ELP2: variants seen among roughly 807,000 people sequenced by gnomAD.
The protein encoded by ELP2 is elongator complex protein 2.
Under a neutral mutation model 119.2 loss-of-function variants are expected in ELP2, and 90 were observed. The ratio of observed to expected loss-of-function variants is 0.75; its 90% CI spans 0.64 to 0.90. The LOEUF is 0.90. ELP2 is among the 40% of genes least tolerant of loss of function. The pLI is 0.00. For missense variants in ELP2, 921 were observed against 967.8 expected (o/e 0.95, Z 0.64); for synonymous variants, 339 against 331.0 (o/e 1.02, Z -0.26).
intron 5 of ELP2, among the ~76,000 whole-genome samples, chr18:36,140,109 G>T (rs1452379080): frequency 2.6e-5 from 4 of 151,888 alleles, no homozygotes; most frequent in Admixed American, 6.6e-5. Flanking sequence ...CTCCCAAAGT[G>T]CTGGGATCAC....
At position 36,154,870 on chromosome 18, in the gene ELP2, T is replaced by A. The variant is rs2090512535; in HGVS notation, c.1146T>A (p.Ile382=). 1.1e-5 allele frequency: 17 copies of A among 1,614,148 alleles called. No individual in the cohort carries two copies. Among genetic ancestry groups the A allele is most frequent in the Non-Finnish European group, 1.4e-5 (17 of 1,179,986 alleles). Reference sequence around the variant, plus strand: ...TGCAGAGAGAGTGGACTCCAGAGATTGTCATTTCAGGACACTTTGATGGTG... The same window carrying A: ...TGCAGAGAGAGTGGACTCCAGAGATAGTCATTTCAGGACACTTTGATGGTG... ...TVNPREWTPE[I]VISGHFDGVQ... Residue 382 remains isoleucine, a synonymous_variant, in exon 12 of 22, where the codon ATT becomes ATA. Coordinates refer to ENST00000358232, the MANE Select transcript of ELP2 (RefSeq NM_018255.4).
intron 1 of ELP2, among the ~76,000 whole-genome samples, chr18:36,131,892 A>G (rs1050140154): frequency 6.6e-6 from 1 of 151,004 alleles, no homozygotes; most frequent in African/African-American, 2.4e-5. Context: ...TGTTGAGCCT[A>G]AAAAGTACTT....
chr18:36,139,634 ATTG>A lies in ELP2; in HGVS notation c.523+765_523+767del, dbSNP rs370802040. Reference sequence around the variant, plus strand: ...GCCAAGTGACTGGAGTTTTGTTTTTATTGTTTTTATTTTTCTTTTTTCTGTAGT... The same window carrying A: ...GCCAAGTGACTGGAGTTTTGTTTTTATTTTTATTTTTCTTTTTTCTGTAGT... On this transcript the variant is annotated intron_variant, in intron 5 of 21. Transcript: ENST00000358232. The A allele has an allele frequency of 5.6e-4, 846 of 1,499,584 alleles. 6 individuals are homozygous for A. In the African/African-American group the frequency reaches 0.011, roughly 19 times the overall value. 92.9% of individuals were successfully genotyped at this position (1,499,584 alleles called of 1,614,324 possible). A position where few individuals can be genotyped will look rare whatever the true frequency, so the allele number is the denominator to read the frequency against.
In ELP2 at chr18:36,176,215, A is replaced by C. The variant is rs549908613; in HGVS notation, c.*1574A>C. ...AGTGCTTCATAGCCACATGTGGCTC[A>C]TGGCCATCCATATTTGGACAATGTA... On this transcript the variant is annotated 3_prime_UTR_variant, in exon 22 of 22. Transcript: ENST00000358232. 1.6e-4 allele frequency: 25 copies of C among 152,290 alleles called. No homozygotes were observed. The highest frequency in any genetic ancestry group is 6.0e-4 in the African/African-American group (25 of 41,534). The allele number at this position is 152,290 out of a possible 1,614,324, so 9.4% of individuals were successfully genotyped here. A position where few individuals can be genotyped will look rare whatever the true frequency, so the allele number is the denominator to read the frequency against.
At chr18:36,164,833 T>A in intron 18 of ELP2, 166 bp downstream of exon 18, 1 of 670,052 alleles carries the variant, frequency 1.5e-6, no homozygotes, top group Non-Finnish European at 2.6e-6. Context: ...TGACCTTCCT[T>A]GTAAGATTTA....
intron 21 of ELP2, among the ~76,000 whole-genome samples, chr18:36,173,027 A>G (rs149046871): frequency 1.9e-4 from 29 of 152,354 alleles, no homozygotes; most frequent in Admixed American, 1.2e-3. Flanking sequence ...CAAACTCCCT[A>G]TCTTCTTAAA....
Position 36,171,036 on chromosome 18 carries a change from C to T in ELP2, c.2211-11C>T, listed in dbSNP as rs1176679544. 7 of 1,583,700 alleles carry T rather than the reference C, an allele frequency of 4.4e-6. No homozygotes were observed. In the African/African-American group the frequency reaches 8.1e-5, roughly 18 times the overall value. On this transcript the variant is annotated splice_polypyrimidine_tract_variant and intron_variant, in intron 20 of 21. Transcript: ENST00000358232. The stretch of plus-strand genomic sequence containing the variant: ...AAGTTAATCACTGTTGTCCCCCTCC[C>T]TTAAAAACAGATACGTGGTTGCAGT...
chr18:36,138,047 C>G (rs1168438733), intron 3 of ELP2: 1 of 511,904 alleles, frequency 2.0e-6, no homozygotes, highest in Non-Finnish European at 3.5e-6. Context: ...TTCAGAATAC[C>G]TATTGTCTCC....
Position 36,171,051 on chromosome 18 carries a change from G to T in ELP2, c.2215G>T (p.Val739Leu), listed in dbSNP as rs767094081. ...CPVLHPSQRY[V>L]VAVGLECGKI... ...GTCCCCCTCCCTTAAAAACAGATAC[G>T]TGGTTGCAGTAGGATTGGAGTGTGG... The change falls in exon 21 of 22, where the codon GTG becomes TTG. Residue 739 changes from valine (V) to leucine (L), a missense_variant. Transcript: ENST00000358232. 1 of 1,607,434 alleles carries T rather than the reference G, an allele frequency of 6.2e-7. No homozygotes were observed. The highest frequency in any genetic ancestry group is 2.2e-5 in the East Asian group (1 of 44,848).
chr18:36,131,902 T>C (rs2089646057), intron 1 of ELP2, among the ~76,000 whole-genome samples: 1 of 151,950 alleles, frequency 6.6e-6, no homozygotes, highest in South Asian at 2.1e-4. Context: ...AAAAAGTACT[T>C]TGTCCTGTTA....
chr18:36,138,266 T>C lies in ELP2; in HGVS notation c.289-4T>C. The C allele has an allele frequency of 1.9e-6, 3 of 1,614,090 alleles. No homozygotes were observed. Among genetic ancestry groups the C allele is most frequent in the Non-Finnish European group, 2.5e-6 (3 of 1,179,978 alleles). On this transcript the variant is annotated splice_polypyrimidine_tract_variant and splice_region_variant and intron_variant, in intron 3 of 21. Coordinates refer to ENST00000358232, the MANE Select transcript of ELP2 (RefSeq NM_018255.4). ...CAATGCTTCTGTCATTCTTTCTGAT[T>C]CAGCTTTTAAAAGCAGTGCATCTTC...
In ELP2 at chr18:36,138,316, C is replaced by T. The variant is rs538079080; in HGVS notation, c.335C>T (p.Ala112Val). The change falls in exon 4 of 22, where the codon GCG becomes GTG. Residue 112 changes from alanine (A) to valine (V), a missense_variant. Ala to Val is a moderately conservative substitution (Grantham distance 64). Coordinates refer to ENST00000358232, the MANE Select transcript of ELP2 (RefSeq NM_018255.4). Reference sequence around the variant, plus strand: ...CAAGGCCATGAAGGACCTGTTTATGCGGTGCATGCTGTTTACCAGAGGAGG... The same window carrying T: ...CAAGGCCATGAAGGACCTGTTTATGTGGTGCATGCTGTTTACCAGAGGAGG... ...HLQGHEGPVY[A>V]VHAVYQRRTS... 73 of 1,614,008 alleles carry T rather than the reference C, an allele frequency of 4.5e-5. No homozygotes were observed. The South Asian group carries it at 5.4e-4, about 12-fold the overall frequency.
Position 36,148,376 on chromosome 18 carries a change from G to A in ELP2, c.1125+1995G>A, listed in dbSNP as rs182659201. Among the ~76,000 whole-genome samples the A allele has an allele frequency of 4.6e-5, 7 of 152,158 alleles. No individual in the cohort carries two copies. In the East Asian group the frequency reaches 9.7e-4, roughly 21 times the overall value. ...TGTGACCCACTGCGCCCAGCTGGTC[G>A]GGTTTAAGACACACAGTCAAACAGG... is the stretch of plus-strand genomic sequence containing the variant. On this transcript the variant is annotated intron_variant, in intron 11 of 21. Coordinates refer to ENST00000358232, the MANE Select transcript of ELP2 (RefSeq NM_018255.4).
rs2091224918 is a variant in ELP2, at chr18:36,176,462, C to T, written c.*1821C>T. ...TTCCAGAGCAGATTCAGAGGCCTAA[C>T]TTAGTCCTTTAGCTTTCCTCCCAGC... On this transcript the variant is annotated 3_prime_UTR_variant, in exon 22 of 22. Transcript: ENST00000358232. The T allele has an allele frequency of 6.6e-6, 1 of 152,372 alleles. No individual in the cohort carries two copies. Among genetic ancestry groups the T allele is most frequent in the Middle Eastern group, 3.4e-3 (1 of 294 alleles). 9.4% of individuals were successfully genotyped at this position (152,372 alleles called of 1,614,324 possible). A position where few individuals can be genotyped will look rare whatever the true frequency, so the allele number is the denominator to read the frequency against.
Position 36,176,849 on chromosome 18 carries a change from G to T in ELP2, c.*2208G>T, listed in dbSNP as rs1429588850. 6.6e-6 allele frequency: 1 copy of T among 152,204 alleles called. No individual in the cohort carries two copies. Among genetic ancestry groups the T allele is most frequent in the East Asian group, 1.9e-4 (1 of 5,202 alleles). The allele number at this position is 152,204 out of a possible 1,614,324, so 9.4% of individuals were successfully genotyped here. A position where few individuals can be genotyped will look rare whatever the true frequency, so the allele number is the denominator to read the frequency against. On this transcript the variant is annotated 3_prime_UTR_variant, in exon 22 of 22. Coordinates refer to ENST00000358232, the MANE Select transcript of ELP2 (RefSeq NM_018255.4). Reference sequence around the variant, plus strand: ...CAGGATGGCAAAAGTGGCAGTCCGTGACGCAGCCCTTGTTACCCCAGGCTA... The same window carrying T: ...CAGGATGGCAAAAGTGGCAGTCCGTTACGCAGCCCTTGTTACCCCAGGCTA...
chr18:36,171,894 A>G (rs1199936725), intron 21 of ELP2, among the ~76,000 whole-genome samples: 6 of 151,936 alleles, frequency 3.9e-5, no homozygotes, highest in Admixed American at 3.9e-4. Context: ...TTTTTTTTGT[A>G]TTTTTAGTAG....
intron 11 of ELP2, among the ~76,000 whole-genome samples, chr18:36,151,496 A>G (rs893696490): frequency 1.3e-5 from 2 of 152,088 alleles, no homozygotes; most frequent in South Asian, 4.1e-4. Flanking sequence ...CCAGCCTTTG[A>G]TAGTGTTGTA....
chr18:36,136,042 C>G lies in ELP2; in HGVS notation c.218-265C>G, dbSNP rs563345488. Among the ~76,000 whole-genome samples, 7 of 152,112 alleles carry G rather than the reference C, an allele frequency of 4.6e-5. No homozygotes were observed. The East Asian group carries it at 1.3e-3, about 29-fold the overall frequency. The stretch of plus-strand genomic sequence containing the variant: ...ATTGTATTGAGGTAATATAGGAGAA[C>G]GTTTTTGTCCTTAGGAGATATATGG... On this transcript the variant is annotated intron_variant, in intron 2 of 21. Transcript: ENST00000358232.
At chr18:36,147,288 C>A (rs1387111481) in intron 11 of ELP2, among the ~76,000 whole-genome samples, 1 of 151,954 alleles carries the variant, frequency 6.6e-6, no homozygotes, top group Non-Finnish European at 1.5e-5. Context: ...TGTTGCCCTG[C>A]CTAGTCCTGA....
Sources: allele counts gnomAD v4.1 joint callset (sites outside exome capture counted in the v4.1 genomes callset), GRCh38; gene constraint gnomAD v4.1.1; transcripts MANE v1.5; gene names NCBI Gene and HGNC (gene_info 2026-07-23, HGNC 2026-07-21).